CADPS2: variants seen among roughly 807,000 people sequenced by gnomAD.
The protein encoded by CADPS2 is calcium dependent secretion activator 2, also known as calcium-dependent secretion activator 2.
In CADPS2, 93 loss-of-function variants were observed where a neutral mutation model predicts 172.5. That is an observed-to-expected ratio of 0.54 (90% CI 0.46 to 0.64). The LOEUF is 0.64. Ranked by LOEUF, CADPS2 falls within the 30% of genes least tolerant of loss-of-function variation. The pLI, the probability that CADPS2 is intolerant of heterozygous loss-of-function variation, is 0.00. For synonymous variants in CADPS2, 546 were observed against 555.2 expected (o/e 0.98, Z 0.23); for missense variants, 1,420 against 1,565.9 (o/e 0.91, Z 1.57).
chr7:122,866,115 G>A (rs1818252110), intron 1 of CADPS2, among the ~76,000 whole-genome samples: 2 of 152,212 alleles, frequency 1.3e-5, no homozygotes, highest in Admixed American at 6.5e-5. Flanking sequence ...GTTCTGCAAG[G>A]CTTATTTAAC....
At chr7:122,332,046 T>C (rs1290258359) in intron 28 of CADPS2, 1 of 152,168 alleles carries the variant, frequency 6.6e-6, no homozygotes, top group Non-Finnish European at 1.5e-5. Flanking sequence ...TATGCACAAA[T>C]AGAGAAGGTA....
intron 7 of CADPS2, 48 bp downstream of exon 7, chr7:122,581,131 G>T (rs2068750396): frequency 7.5e-7 from 1 of 1,329,962 alleles, no homozygotes. Flanking sequence ...TGAATCCAAA[G>T]AAGTTAAAAC....
At chr7:122,558,210 T>A (rs946867155) in intron 7 of CADPS2, among the ~76,000 whole-genome samples, 4 of 152,170 alleles carry the variant, frequency 2.6e-5, no homozygotes, top group Admixed American at 1.3e-4. Context: ...TGTTTTTTTT[T>A]ATTAGAAGCA....
rs1798546758 is a variant in CADPS2, at chr7:122,805,286, A to G, written c.340-68218T>C. ...GTGATTCTCCTGCCTCAGCCTCCCT[A>G]GTAGCTGGGACTACAGGCACTTGCC... is the stretch of plus-strand genomic sequence containing the variant. On this transcript the variant is annotated intron_variant, in intron 1 of 29. Transcript: ENST00000449022. 2.0e-5 allele frequency among the ~76,000 whole-genome samples: 3 copies of G among 152,198 alleles called. No homozygotes were observed. In the South Asian group the frequency reaches 6.2e-4, roughly 32 times the overall value.
At chr7:122,713,555 A>T (rs1588667285) in intron 2 of CADPS2, among the ~76,000 whole-genome samples, 1 of 152,092 alleles carries the variant, frequency 6.6e-6, no homozygotes. Context: ...ACTAAAGATG[A>T]TGCCATGATC....
intron 2 of CADPS2, among the ~76,000 whole-genome samples, chr7:122,714,083 AGAG>A (rs1181336058): frequency 1.3e-5 from 2 of 152,086 alleles, no homozygotes; most frequent in Non-Finnish European, 2.9e-5. Context: ...TTTAGGGAAA[AGAG>A]GAGGTTACCA....
intron 17 of CADPS2, among the ~76,000 whole-genome samples, chr7:122,431,391 C>T (rs978127475): frequency 2.0e-5 from 3 of 151,968 alleles, no homozygotes; most frequent in South Asian, 2.1e-4. Flanking sequence ...TTATAATAAG[C>T]GCTGTGGAAG....
chr7:122,350,404 G>A (rs2038365753), intron 27 of CADPS2, among the ~76,000 whole-genome samples: 1 of 151,788 alleles, frequency 6.6e-6, no homozygotes, highest in Non-Finnish European at 1.5e-5. Context: ...TTAATGCTCT[G>A]GCATTTATCA....
At chr7:122,405,600 G>T (rs762767497) in intron 20 of CADPS2, among the ~76,000 whole-genome samples, 4 of 151,988 alleles carry the variant, frequency 2.6e-5, no homozygotes, top group Admixed American at 6.6e-5. Context: ...GAGGCCACTG[G>T]AAGTGCCACT....
intron 2 of CADPS2, among the ~76,000 whole-genome samples, chr7:122,685,829 C>T (rs1022788511): frequency 1.3e-5 from 2 of 152,180 alleles, no homozygotes; most frequent in Non-Finnish European, 2.9e-5. Context: ...ATCTTACAAT[C>T]AAGGAGGAAG....
At chr7:122,382,657 A>G (rs1014076954) in intron 24 of CADPS2, among the ~76,000 whole-genome samples, 1 of 152,100 alleles carries the variant, frequency 6.6e-6, no homozygotes, top group Non-Finnish European at 1.5e-5. Context: ...AAAAACCTAT[A>G]AAATTTTTAT....
chr7:122,491,460 A>C (rs1238059991), intron 9 of CADPS2, 40 bp from the exon 10 acceptor site: 16 of 1,100,688 alleles, frequency 1.5e-5, no homozygotes, highest in Non-Finnish European at 2.1e-5. Flanking sequence ...AGTCACATTA[A>C]ATTTACCAAA....
chr7:122,798,294 C>T (rs1796846286), intron 1 of CADPS2, among the ~76,000 whole-genome samples: 2 of 152,104 alleles, frequency 1.3e-5, no homozygotes, highest in Admixed American at 1.3e-4. Context: ...TGCAGTTCAC[C>T]CAGCCCCTAG....
chr7:122,447,543 ATTTTTTTTTTTTTT>A (rs1159112244), intron 15 of CADPS2, among the ~76,000 whole-genome samples: 1 of 89,768 alleles, frequency 1.1e-5, no homozygotes, highest in Non-Finnish European at 2.2e-5. Context: ...GTTTCGGGGA[ATTTTTTTTTTTTTT>A]TTTTTTTTTT....
chr7:122,618,007 G>A (rs1159318925), intron 5 of CADPS2, among the ~76,000 whole-genome samples: 1 of 150,110 alleles, frequency 6.7e-6, no homozygotes, highest in South Asian at 2.1e-4. Context: ...TCGTGCCACT[G>A]CACTCCAGCC....
At chr7:122,386,375 T>C (rs2043673789) in intron 24 of CADPS2, 6 of 1,037,048 alleles carry the variant, frequency 5.8e-6, no homozygotes, top group Middle Eastern at 4.5e-4. Flanking sequence ...AATAAAGAAA[T>C]GAAGAAAAAG....
At chr7:122,829,453 A>G (rs572290976) in intron 1 of CADPS2, among the ~76,000 whole-genome samples, 5 of 152,332 alleles carry the variant, frequency 3.3e-5, no homozygotes, top group Non-Finnish European at 7.3e-5. Context: ...ATATATAGGT[A>G]ATTATAAGAC....
chr7:122,453,880 T>C (rs562903333), intron 14 of CADPS2, among the ~76,000 whole-genome samples: 2 of 152,166 alleles, frequency 1.3e-5, no homozygotes, highest in Non-Finnish European at 2.9e-5. Flanking sequence ...GAAAAGAATG[T>C]TATACAGAGT....
rs372584162 is a variant in CADPS2, at chr7:122,701,952, G to C, written c.453+35003C>G. The C allele has an allele frequency of 3.7e-6, 6 of 1,613,612 alleles. No homozygotes were observed. The Admixed American group carries it at 1.0e-4, about 27-fold the overall frequency. On this transcript the variant is annotated intron_variant, in intron 2 of 29. Coordinates refer to ENST00000449022, the MANE Select transcript of CADPS2 (RefSeq NM_017954.11). The stretch of plus-strand genomic sequence containing the variant: ...GTTAAAATGCGTACTACATCTTGGG[G>C]TTTGTATGTGTCAAAGCAAACAACA...
Sources: allele counts gnomAD v4.1 joint callset (sites outside exome capture counted in the v4.1 genomes callset), GRCh38; gene constraint gnomAD v4.1.1; transcripts MANE v1.5; gene names NCBI Gene and HGNC (gene_info 2026-07-23, HGNC 2026-07-21).